DTWD2: variants seen among roughly 807,000 people sequenced by gnomAD.
DTWD2 encodes the protein tRNA-uridine aminocarboxypropyltransferase 2.
DTWD2 carries 39 observed loss-of-function variants against 31.8 expected under a neutral mutation model. The ratio of observed to expected loss-of-function variants is 1.22; its 90% CI spans 0.95 to 1.60. The LOEUF (loss-of-function observed/expected upper bound fraction) is 1.60, where lower values mean the gene tolerates loss of function less well. Ranked by LOEUF, DTWD2 falls within the 40% of genes most tolerant of loss-of-function variation. The pLI is 0.00. For synonymous variants in DTWD2, 180 were observed against 142.8 expected, an observed-to-expected ratio of 1.26 and a Z score of -1.86; for missense variants, 515 against 381.5, an observed-to-expected ratio of 1.35 and a Z score of -2.92.
chr5:118,951,147 A>T (rs1423746750), intron 1 of DTWD2, among the ~76,000 whole-genome samples: 1 of 152,170 alleles, frequency 6.6e-6, no homozygotes, highest in Non-Finnish European at 1.5e-5. Context: ...ACACCTCTTT[A>T]AGAGGAAATT....
intron 4 of DTWD2, among the ~76,000 whole-genome samples, chr5:118,882,186 G>A (rs888907683): frequency 4.6e-5 from 7 of 152,212 alleles, no homozygotes; most frequent in Admixed American, 3.9e-4. Context: ...CCGCATGCAA[G>A]TCCAAAACCC....
chr5:118,910,498 T>C (rs1299549451), intron 4 of DTWD2, among the ~76,000 whole-genome samples: 1 of 152,194 alleles, frequency 6.6e-6, no homozygotes, highest in Non-Finnish European at 1.5e-5. Context: ...ACTTAGGCCA[T>C]CTCTAAGAAA....
At chr5:118,849,698 A>G (rs559740678) in intron 4 of DTWD2, among the ~76,000 whole-genome samples, 1 of 152,360 alleles carries the variant, frequency 6.6e-6, no homozygotes, top group South Asian at 2.1e-4. Context: ...ATGCAGCCAT[A>G]AAAAAGGATG....
At chr5:118,983,564 A>T (rs1367255795) in intron 1 of DTWD2, among the ~76,000 whole-genome samples, 2 of 151,990 alleles carry the variant, frequency 1.3e-5, no homozygotes, top group Non-Finnish European at 2.9e-5. Context: ...TTCCTCCAGA[A>T]TATCCAAGCC....
intron 1 of DTWD2, among the ~76,000 whole-genome samples, chr5:118,954,192 A>T (rs1754530828): frequency 6.6e-6 from 1 of 152,132 alleles, no homozygotes; most frequent in Admixed American, 6.5e-5. Flanking sequence ...GACTGCTCAT[A>T]CCCAGGTGTT....
At chr5:118,860,597 C>G (rs1752238537) in intron 4 of DTWD2, among the ~76,000 whole-genome samples, 1 of 152,110 alleles carries the variant, frequency 6.6e-6, no homozygotes, top group Non-Finnish European at 1.5e-5. Flanking sequence ...TCAAGTTACC[C>G]TCAATAGAGT....
At chr5:118,855,803 T>A (rs994838663) in intron 4 of DTWD2, among the ~76,000 whole-genome samples, 13 of 152,180 alleles carry the variant, frequency 8.5e-5, no homozygotes, top group African/African-American at 2.9e-4. Flanking sequence ...GATTTAGAAA[T>A]GCATAATATA....
At chr5:118,973,992 A>T (rs1755063871) in intron 1 of DTWD2, 1 of 1,592,062 alleles carries the variant, frequency 6.3e-7, no homozygotes, top group African/African-American at 1.3e-5. Context: ...GAGGAGGAGG[A>T]AGAAGGTGAT....
intron 1 of DTWD2, among the ~76,000 whole-genome samples, chr5:118,979,301 C>G (rs1208873114): frequency 6.6e-6 from 1 of 151,712 alleles, no homozygotes; most frequent in Non-Finnish European, 1.5e-5. Flanking sequence ...AAGAGTCCAT[C>G]CCCAAAAAAA....
At chr5:118,938,330 C>A (rs1348150101) in intron 3 of DTWD2, among the ~76,000 whole-genome samples, 1 of 152,174 alleles carries the variant, frequency 6.6e-6, no homozygotes, top group Non-Finnish European at 1.5e-5. Context: ...CTACAACTAA[C>A]AGACGAATTT....
At chr5:118,846,963 CACAT>C (rs1462152249) in intron 5 of DTWD2, among the ~76,000 whole-genome samples, 29 of 138,894 alleles carry the variant, frequency 2.1e-4, no homozygotes, top group African/African-American at 5.3e-4. Flanking sequence ...CACACACACA[CACAT>C]ACACACGAAA....
At chr5:118,973,721 C>G (rs1755054139) in intron 1 of DTWD2, 11 of 1,567,018 alleles carry the variant, frequency 7.0e-6, no homozygotes, top group Non-Finnish European at 9.6e-6. Flanking sequence ...CGGACTCCGG[C>G]AGCTTTATCG....
chr5:118,897,825 A>G (rs1753116069), intron 4 of DTWD2, among the ~76,000 whole-genome samples: 1 of 152,230 alleles, frequency 6.6e-6, no homozygotes, highest in Non-Finnish European at 1.5e-5. Flanking sequence ...TGAAACAGGT[A>G]CCACTGCATA....
intron 4 of DTWD2, among the ~76,000 whole-genome samples, chr5:118,902,064 A>G (rs1753222624): frequency 6.6e-6 from 1 of 152,226 alleles, no homozygotes; most frequent in Non-Finnish European, 1.5e-5. Context: ...ATGTGTCTAT[A>G]TAATCACATA....
intron 1 of DTWD2, among the ~76,000 whole-genome samples, chr5:118,963,620 T>C (rs1025661187): frequency 6.6e-6 from 1 of 152,164 alleles, no homozygotes; most frequent in Non-Finnish European, 1.5e-5. Flanking sequence ...AAAAGGGAAT[T>C]GAACAGATGA....
Position 118,964,458 on chromosome 5 carries a change from C to T in DTWD2, c.219-19809G>A, listed in dbSNP as rs1192666282. Among the ~76,000 whole-genome samples the T allele has an allele frequency of 2.0e-5, 3 of 152,076 alleles. No homozygotes were observed. The East Asian group carries it at 5.8e-4, about 29-fold the overall frequency. ...TCCCTCTCCCCACAGTCTCTGTCTC[C>T]CTCTCTATCCACGGTCTCCCTCTGA... On this transcript the variant is annotated intron_variant, in intron 1 of 5. Coordinates refer to ENST00000510708, the MANE Select transcript of DTWD2 (RefSeq NM_173666.4).
At chr5:118,920,588 T>C (rs1753680641) in intron 4 of DTWD2, among the ~76,000 whole-genome samples, 1 of 146,208 alleles carries the variant, frequency 6.8e-6, no homozygotes, top group Non-Finnish European at 1.5e-5. Flanking sequence ...AAATTAAAAA[T>C]GTACTTTAGA....
intron 1 of DTWD2, among the ~76,000 whole-genome samples, chr5:118,946,488 A>AT (rs1029362189): frequency 6.6e-5 from 10 of 152,156 alleles, no homozygotes; most frequent in Non-Finnish European, 1.2e-4. Context: ...CAAGATTCTG[A>AT]TTTTTTCTAT....
intron 1 of DTWD2, among the ~76,000 whole-genome samples, chr5:118,961,394 T>C (rs1306259861): frequency 2.0e-5 from 3 of 152,270 alleles, no homozygotes; most frequent in South Asian, 4.1e-4. Context: ...TATATTTCCA[T>C]AGTTTGTCTT....
Sources: allele counts gnomAD v4.1 joint callset (sites outside exome capture counted in the v4.1 genomes callset), GRCh38; gene constraint gnomAD v4.1.1; transcripts MANE v1.5; gene names NCBI Gene and HGNC (gene_info 2026-07-23, HGNC 2026-07-21).